The following TCF12 variants were observed in gnomAD, a reference collection of about 807,000 sequenced individuals.
TCF12 encodes DNA-binding protein HTF4.
A neutral mutation model predicts 86.0 loss-of-function variants in TCF12; 45 were observed. The observed-to-expected ratio is 0.52, with a 90% CI of 0.41 to 0.67. TCF12 has a LOEUF of 0.67. Among genes scored for constraint, TCF12 ranks in the 30% least tolerant of loss-of-function variants. TCF12 has a pLI of 0.00. For missense variants in TCF12, 881 were observed against 859.9 expected, an observed-to-expected ratio of 1.02 and a Z score of -0.31; for synonymous variants, 330 against 299.6, an observed-to-expected ratio of 1.10 and a Z score of -1.05.
chr15:56,924,354 G>A (rs2059914802), intron 3 of TCF12, among the ~76,000 whole-genome samples: 1 of 152,104 alleles, frequency 6.6e-6, no homozygotes, highest in Non-Finnish European at 1.5e-5. Flanking sequence ...TAAAAAAATG[G>A]TAAGATTACT....
chr15:57,037,757 T>C (rs1025620447), intron 3 of TCF12, among the ~76,000 whole-genome samples: 33 of 152,258 alleles, frequency 2.2e-4, no homozygotes, highest in Non-Finnish European at 4.6e-4. Context: ...TTCATTCTTA[T>C]GAATATGTAG....
intron 3 of TCF12, among the ~76,000 whole-genome samples, chr15:56,955,169 A>G (rs1385051486): frequency 6.6e-6 from 1 of 152,244 alleles, no homozygotes; most frequent in Non-Finnish European, 1.5e-5. Flanking sequence ...CATCAATGAT[A>G]GACTGGATTA....
chr15:56,921,691 A>G (rs923625079), intron 3 of TCF12, among the ~76,000 whole-genome samples: 3 of 152,074 alleles, frequency 2.0e-5, no homozygotes, highest in African/African-American at 4.8e-5. Flanking sequence ...CCATGACAGC[A>G]TCATCTTAAG....
At chr15:57,035,589 A>G (rs765451241) in intron 3 of TCF12, among the ~76,000 whole-genome samples, 4 of 152,168 alleles carry the variant, frequency 2.6e-5, no homozygotes, top group Non-Finnish European at 4.4e-5. Flanking sequence ...AATTTTATTC[A>G]AATAAGAGCA....
chr15:57,257,947 T>C (rs1597696485), intron 16 of TCF12, among the ~76,000 whole-genome samples: 1 of 152,196 alleles, frequency 6.6e-6, no homozygotes, highest in African/African-American at 2.4e-5. Context: ...GGCTAAACTT[T>C]TAGAATAAAC....
At chr15:57,218,755 A>T (rs561350215) in intron 8 of TCF12, among the ~76,000 whole-genome samples, 5 of 152,306 alleles carry the variant, frequency 3.3e-5, no homozygotes, top group African/African-American at 1.2e-4. Flanking sequence ...TGTATTATTA[A>T]GTGTTTCCAT....
At chr15:57,246,983 AC>A (rs2059894422) in intron 13 of TCF12, 1 of 540,268 alleles carries the variant, frequency 1.9e-6, no homozygotes, top group African/African-American at 1.9e-5. Flanking sequence ...TACCATATCC[AC>A]CACTTTCACC....
chr15:56,983,732 G>A (rs2140903806), intron 3 of TCF12, among the ~76,000 whole-genome samples: 1 of 152,000 alleles, frequency 6.6e-6, no homozygotes, highest in Non-Finnish European at 1.5e-5. Flanking sequence ...TAGGCACGGT[G>A]GCTCAAACCT....
At chr15:57,052,918 A>G (rs1285609997) in intron 3 of TCF12, among the ~76,000 whole-genome samples, 3 of 152,150 alleles carry the variant, frequency 2.0e-5, no homozygotes, top group African/African-American at 7.2e-5. Flanking sequence ...TGCAGTTGAC[A>G]TGGGAATACA....
chr15:56,944,382 G>A (rs1053033630), intron 3 of TCF12, among the ~76,000 whole-genome samples: 11 of 152,150 alleles, frequency 7.2e-5, no homozygotes, highest in Non-Finnish European at 1.5e-4. Context: ...CCGAGAGCAA[G>A]ATAATACTTA....
At chr15:56,984,252 GT>G (rs1282673335) in intron 3 of TCF12, among the ~76,000 whole-genome samples, 5 of 79,540 alleles carry the variant, frequency 6.3e-5, no homozygotes, top group Admixed American at 3.6e-4. Context: ...TGTGCATGGT[GT>G]GTGTGTGTGT....
At chr15:57,240,493 C>CA (rs2151957919) in intron 12 of TCF12, among the ~76,000 whole-genome samples, 1 of 152,212 alleles carries the variant, frequency 6.6e-6, no homozygotes, top group South Asian at 2.1e-4. Context: ...ATATTGTAGT[C>CA]AAGACATATT....
At chr15:57,189,213 A>AACATCAAAAGAAT (rs1476690653) in intron 6 of TCF12, among the ~76,000 whole-genome samples, 1 of 152,238 alleles carries the variant, frequency 6.6e-6, no homozygotes, top group Non-Finnish European at 1.5e-5. Context: ...TCTTAGATAC[A>AACATCAAAAGAAT]ACATCAAAAG....
intron 4 of TCF12, among the ~76,000 whole-genome samples, chr15:57,090,203 G>A (rs1299491757): frequency 6.6e-6 from 1 of 152,036 alleles, no homozygotes; most frequent in African/African-American, 2.4e-5. Context: ...GCAACAGAGC[G>A]AGGGCCCTGT....
chr15:57,261,779 G>A (rs1475715697), intron 16 of TCF12, among the ~76,000 whole-genome samples: 1 of 20,000 alleles, frequency 5.0e-5, no homozygotes, highest in African/African-American at 3.2e-4. Flanking sequence ...AATACGTAGT[G>A]CGTTGTGGCT....
In TCF12 at chr15:56,938,936, T is replaced by A. The variant is rs114177189; in HGVS notation, c.148+17838T>A. Among the ~76,000 whole-genome samples, 627 of 152,324 alleles carry A rather than the reference T, an allele frequency of 4.1e-3. 4 individuals carry two copies. The highest frequency in any genetic ancestry group is 0.015 in the African/African-American group (606 of 41,566). ...CTGGGTATCAAAACAATTAAAAGTG[T>A]CACCTTAGCATTTATGTTCTTTAAT... On this transcript the variant is annotated intron_variant, in intron 3 of 20. Transcript: ENST00000333725.
At chr15:57,083,315 G>A (rs2048428913) in intron 4 of TCF12, among the ~76,000 whole-genome samples, 1 of 152,030 alleles carries the variant, frequency 6.6e-6, no homozygotes, top group African/African-American at 2.4e-5. Flanking sequence ...GAAAGAAAAT[G>A]TGTCTTGTTG....
intron 5 of TCF12, among the ~76,000 whole-genome samples, chr15:57,158,143 C>T (rs1173761739): frequency 1.3e-5 from 2 of 150,680 alleles, no homozygotes; most frequent in Non-Finnish European, 1.5e-5. Context: ...TGTTTTGCAT[C>T]CTAGAATACT....
chr15:57,092,844 C>G (rs2049077373), intron 5 of TCF12, among the ~76,000 whole-genome samples: 1 of 152,128 alleles, frequency 6.6e-6, no homozygotes, highest in Admixed American at 6.6e-5. Flanking sequence ...ATATTGTGAT[C>G]TTAGAATCGT....
Sources: allele counts gnomAD v4.1 joint callset (sites outside exome capture counted in the v4.1 genomes callset), GRCh38; gene constraint gnomAD v4.1.1; transcripts MANE v1.5; gene names NCBI Gene and HGNC (gene_info 2026-07-23, HGNC 2026-07-21).